DNAJC7: variants seen among roughly 807,000 people sequenced by gnomAD.
The protein encoded by DNAJC7 is dnaJ homolog subfamily C member 7.
In DNAJC7, 18 loss-of-function variants were observed where a neutral mutation model predicts 67.4. The ratio of observed to expected loss-of-function variants is 0.27; its 90% CI spans 0.18 to 0.40. The LOEUF is 0.40. Ranked by LOEUF, DNAJC7 falls within the 10% of genes least tolerant of loss-of-function variation. The pLI is 1.00. For missense variants in DNAJC7, 419 were observed against 613.8 expected, an observed-to-expected ratio of 0.68 and a Z score of 3.35; for synonymous variants, 220 against 207.8, an observed-to-expected ratio of 1.06 and a Z score of -0.50.
At chr17:41,979,168 G>A (rs572111632) in intron 12 of DNAJC7, among the ~76,000 whole-genome samples, 9 of 151,312 alleles carry the variant, frequency 5.9e-5, no homozygotes, top group African/African-American at 1.2e-4. Flanking sequence ...GTGAAACCCC[G>A]TCTCTACTAA....
At chr17:41,977,408 G>C in intron 12 of DNAJC7, 85 bp from the exon 13 acceptor site, 3 of 1,247,528 alleles carry the variant, frequency 2.4e-6, no homozygotes, top group South Asian at 1.3e-5. Context: ...ACTGAGAACA[G>C]ATCTCCAAAG....
At position 42,017,012 on chromosome 17, in the gene DNAJC7, G is replaced by A; in HGVS notation, c.77+328C>T. 3.9e-6 allele frequency: 5 copies of A among 1,296,234 alleles called. No homozygotes were observed. In the South Asian group the frequency reaches 7.8e-5, roughly 20 times the overall value. 80.3% of individuals were successfully genotyped at this position (1,296,234 alleles called of 1,614,324 possible). On this transcript the variant is annotated intron_variant, in intron 1 of 13. Coordinates refer to ENST00000457167, the MANE Select transcript of DNAJC7 (RefSeq NM_003315.4). ...GGGTCGGGGGCGATGTAAGGAAGTCGTCATCGACGCCGCGCCGCTTCCCCC... is the reference window on the plus strand; with the variant it reads ...GGGTCGGGGGCGATGTAAGGAAGTCATCATCGACGCCGCGCCGCTTCCCCC...
chr17:41,990,367 C>T lies in DNAJC7; in HGVS notation c.496G>A (p.Asp166Asn). The change falls in exon 6 of 14, where the codon GAC becomes AAC. Residue 166 changes from aspartate (D) to asparagine (N), a missense_variant. Physicochemically the swap from Asp to Asn is conservative, Grantham distance 23 (BLOSUM62 1). This residue lies in a region of DNAJC7 where 179 missense variants were observed against 249.7 expected (regional missense o/e 0.72). Coordinates refer to ENST00000457167, the MANE Select transcript of DNAJC7 (RefSeq NM_003315.4). The part of the protein sequence containing the change: ...RDFRKVVFCM[D>N]RALEFAPACH... Reference sequence around the variant, plus strand: ...GCAGGGGCAAATTCTAGGGCACGGTCCATGCAGAAAACAACCTGTAGGGAA... The same window carrying T: ...GCAGGGGCAAATTCTAGGGCACGGTTCATGCAGAAAACAACCTGTAGGGAA... The T allele has an allele frequency of 4.4e-6, 7 of 1,608,888 alleles. No individual in the cohort carries two copies. Among genetic ancestry groups the T allele is most frequent in the Non-Finnish European group, 5.9e-6 (7 of 1,177,580 alleles).
chr17:42,017,113 G>A, intron 1 of DNAJC7: 2 of 1,445,478 alleles, frequency 1.4e-6, no homozygotes, highest in Non-Finnish European at 1.8e-6. Flanking sequence ...CTCAGCTGGA[G>A]AACAAGGCCA....
intron 9 of DNAJC7, chr17:41,985,153 A>C (rs2051345305): frequency 6.6e-6 from 1 of 152,302 alleles, no homozygotes; most frequent in Non-Finnish European, 1.5e-5. Context: ...CAAACATCAC[A>C]GATCCCCACC....
chr17:41,981,039 CT>C (rs2051235995), intron 12 of DNAJC7, among the ~76,000 whole-genome samples: 3 of 151,916 alleles, frequency 2.0e-5, no homozygotes, highest in South Asian at 4.1e-4. Flanking sequence ...CCATGCTTTG[CT>C]TTTTTAGTGG....
At chr17:41,993,712 A>G (rs1567961655) in intron 5 of DNAJC7, among the ~76,000 whole-genome samples, 1 of 152,172 alleles carries the variant, frequency 6.6e-6, no homozygotes, top group Non-Finnish European at 1.5e-5. Flanking sequence ...TTACACAGAT[A>G]AAGCATAATA....
chr17:41,986,741 T>C (rs2051393052), intron 9 of DNAJC7, among the ~76,000 whole-genome samples: 1 of 152,204 alleles, frequency 6.6e-6, no homozygotes, highest in South Asian at 2.1e-4. Flanking sequence ...TGTATGTTTC[T>C]GTTGGACAGA....
At chr17:41,987,058 A>G (rs2051402531) in intron 9 of DNAJC7, among the ~76,000 whole-genome samples, 1 of 152,180 alleles carries the variant, frequency 6.6e-6, no homozygotes, top group Non-Finnish European at 1.5e-5. Flanking sequence ...GAATAATCTG[A>G]AATCAGAAGA....
intron 13 of DNAJC7, 65 bp from the exon 14 acceptor site, chr17:41,976,835 AT>A: frequency 6.3e-7 from 1 of 1,581,830 alleles, no homozygotes; most frequent in Non-Finnish European, 8.6e-7. Flanking sequence ...CTTTGCTCTG[AT>A]TATGGAAAAG....
At chr17:42,017,147 G>A (rs1555652056) in intron 1 of DNAJC7, 193 bp downstream of exon 1, 1 of 1,485,000 alleles carries the variant, frequency 6.7e-7, no homozygotes, top group Non-Finnish European at 8.9e-7. Context: ...ACGCCAGGCG[G>A]AAGCGGGAGA....
At chr17:42,016,845 T>C (rs2052310576) in intron 1 of DNAJC7, 1 of 644,332 alleles carries the variant, frequency 1.6e-6, no homozygotes, top group Non-Finnish European at 2.0e-6. Flanking sequence ...AGGTCAATTA[T>C]GGAGACACAC....
At position 41,990,265 on chromosome 17, in the gene DNAJC7, T is replaced by A; in HGVS notation, c.598A>T (p.Ser200Cys). ...TGTCCAGCTAGCCTGACTGCATACC[T>A]AGCCACAGACTGTGCTTCTGGATAA... Reference protein sequence around the residue: ...GRYPEAQSVASDILRMDSTNA... With the variant: ...GRYPEAQSVACDILRMDSTNA... Residue 200 changes from serine (S) to cysteine (C), a missense_variant and splice_region_variant, in exon 6 of 14, where the codon AGT (serine) becomes TGT (cysteine). Ser to Cys is a moderately radical substitution (Grantham distance 112). Coordinates refer to ENST00000457167, the MANE Select transcript of DNAJC7 (RefSeq NM_003315.4). The A allele has an allele frequency of 1.2e-6, 2 of 1,606,532 alleles. No homozygotes were observed. Among genetic ancestry groups the A allele is most frequent in the Non-Finnish European group, 1.7e-6 (2 of 1,176,430 alleles).
chr17:42,011,550 T>C (rs949537899), intron 1 of DNAJC7: 1 of 152,244 alleles, frequency 6.6e-6, no homozygotes, highest in Admixed American at 6.5e-5. Flanking sequence ...TTGCCGGTAT[T>C]GAGAATTCTG....
At chr17:41,981,701 A>T in intron 12 of DNAJC7, 154 bp downstream of exon 12, 1 of 1,079,888 alleles carries the variant, frequency 9.3e-7, no homozygotes, top group Non-Finnish European at 1.3e-6. Context: ...TGAACCTGCC[A>T]CATTTGACTG....
At chr17:42,002,388 G>A (rs782366600) in intron 1 of DNAJC7, among the ~76,000 whole-genome samples, 1 of 152,184 alleles carries the variant, frequency 6.6e-6, no homozygotes, top group Non-Finnish European at 1.5e-5. Context: ...CTTGTTAGTC[G>A]AAAGTGAAAT....
intron 6 of DNAJC7, 88 bp downstream of exon 6, chr17:41,990,176 T>G: frequency 1.5e-6 from 2 of 1,319,842 alleles, no homozygotes; most frequent in South Asian, 1.3e-5. Context: ...TGGCCTACTC[T>G]GGGGACCATA....
In DNAJC7 at chr17:41,997,097, G is replaced by A; in HGVS notation, c.291+18C>T. 6.2e-7 allele frequency: 1 copy of A among 1,613,694 alleles called. No homozygotes were observed. The highest frequency in any genetic ancestry group is 8.5e-7 in the Non-Finnish European group (1 of 1,179,732). ...GTAGCAACCCAGCCTTCCCCAAACA[G>A]CCCCATTACATACATACCCGGACAA... On this transcript the variant is annotated intron_variant, in intron 3 of 13. Transcript: ENST00000457167.
intron 10 of DNAJC7, 147 bp from the exon 11 acceptor site, chr17:41,982,548 T>G (rs1555646164): frequency 9.4e-7 from 1 of 1,068,320 alleles, no homozygotes; most frequent in African/African-American, 1.6e-5. Context: ...AGAAAAAAAA[T>G]CTACTCGGCC....
Sources: allele counts gnomAD v4.1 joint callset (sites outside exome capture counted in the v4.1 genomes callset), GRCh38; gene constraint gnomAD v4.1.1; regional missense constraint gnomAD v4.1.1; transcripts MANE v1.5; gene names NCBI Gene and HGNC (gene_info 2026-07-23, HGNC 2026-07-21).